IL12RB1: variants seen among roughly 807,000 people sequenced by gnomAD.
IL12RB1 encodes the protein interleukin 12 receptor subunit beta 1, also known as interleukin-12 receptor subunit beta-1.
In IL12RB1, 64 loss-of-function variants were observed where a neutral mutation model predicts 94.4. The ratio of observed to expected loss-of-function variants is 0.68; its 90% CI spans 0.55 to 0.83. IL12RB1 has a LOEUF of 0.83. Among genes scored for constraint, IL12RB1 ranks in the 40% least tolerant of loss-of-function variants. The pLI, the probability that IL12RB1 is intolerant of heterozygous loss-of-function variation, is 0.00. For missense variants in IL12RB1, 814 were observed against 855.6 expected, an observed-to-expected ratio of 0.95 and a Z score of 0.61; for synonymous variants, 362 against 355.5, an observed-to-expected ratio of 1.02 and a Z score of -0.21.
chr19:18,077,629 T>C lies in IL12RB1; in HGVS notation c.436A>G (p.Ile146Val), dbSNP rs756396836. 3 of 1,594,496 alleles carry C rather than the reference T, an allele frequency of 1.9e-6. No individual in the cohort carries two copies. The highest frequency in any genetic ancestry group is 2.2e-5 in the East Asian group (1 of 44,776). Reference protein sequence around the residue: ...SVKYEPPLGDIKVSKLAGQLR... With the variant: ...SVKYEPPLGDVKVSKLAGQLR... ...TGCCCGGCCAACTTGGACACCTTGATGTCTCCCAGAGGAGGCTCATATTTA... is the reference window on the plus strand; with the variant it reads ...TGCCCGGCCAACTTGGACACCTTGACGTCTCCCAGAGGAGGCTCATATTTA... Residue 146 changes from isoleucine (I) to valine (V), a missense_variant, in exon 5 of 17, where the codon ATC (isoleucine) becomes GTC (valine). Ile to Val is a conservative substitution (Grantham distance 29). Coordinates refer to ENST00000593993, the MANE Select transcript of IL12RB1 (RefSeq NM_005535.3).
intron 4 of IL12RB1, among the ~76,000 whole-genome samples, chr19:18,080,580 A>G (rs2035826123): frequency 6.6e-6 from 1 of 152,180 alleles, no homozygotes; most frequent in African/African-American, 2.4e-5. Context: ...TAAGAACCCA[A>G]CCAGGTCTTG....
chr19:18,096,175 G>T (rs1457044992), intron 1 of IL12RB1, among the ~76,000 whole-genome samples: 1 of 152,100 alleles, frequency 6.6e-6, no homozygotes, highest in Non-Finnish European at 1.5e-5. Context: ...CCGGGAGGTA[G>T]AGGCTGCAAT....
intron 13 of IL12RB1, 136 bp downstream of exon 13, chr19:18,063,740 G>C (rs901608947): frequency 3.2e-5 from 24 of 750,820 alleles, no homozygotes; most frequent in Non-Finnish European, 4.8e-5. Flanking sequence ...GGAGCAGTTT[G>C]AGCTGCTACT....
chr19:18,082,104 A>T (rs2035954441), intron 3 of IL12RB1, 46 bp downstream of exon 3: 1 of 1,202,272 alleles, frequency 8.3e-7, no homozygotes, highest in African/African-American at 1.5e-5. Context: ...TTGAAGCAAG[A>T]GTGGGATGGT....
At position 18,062,193 on chromosome 19, in the gene IL12RB1, A is replaced by C; in HGVS notation, c.1703T>G (p.Leu568Arg). The C allele has an allele frequency of 1.2e-6, 2 of 1,610,550 alleles. No individual in the cohort carries two copies. The highest frequency in any genetic ancestry group is 1.7e-6 in the Non-Finnish European group (2 of 1,176,910). ...SILLVGVLGYLGLNRAARHLC... is the reference protein window; with the variant it reads ...SILLVGVLGYRGLNRAARHLC... ...AGGTGTCAGTTACCTGTTCAGGCCA[A>C]GGTAGCCAAGGACGCCCACGAGAAG... The change falls in exon 14 of 17, where the codon CTT becomes CGT. Residue 568 changes from leucine to arginine, a missense_variant. Transcript: ENST00000593993.
chr19:18,098,530 G>A (rs2037222441), intron 1 of IL12RB1, among the ~76,000 whole-genome samples: 1 of 152,098 alleles, frequency 6.6e-6, no homozygotes, highest in Admixed American at 6.6e-5. Context: ...GTGTCATCAG[G>A]AGGTAGGGAC....
At chr19:18,070,570 G>C in intron 9 of IL12RB1, 1 of 982,702 alleles carries the variant, frequency 1.0e-6, no homozygotes, top group Non-Finnish European at 1.2e-6. Flanking sequence ...TCTGGGGATA[G>C]CAACAGCCGT....
upstream of IL12RB1, chr19:18,086,954 A>G: frequency 6.5e-7 from 1 of 1,543,454 alleles, no homozygotes; most frequent in East Asian, 2.4e-5. Context: ...GAAAAAAGAA[A>G]AAAAGTAAAG....
At chr19:18,079,310 G>T (rs2035710384) in intron 4 of IL12RB1, among the ~76,000 whole-genome samples, 1 of 151,842 alleles carries the variant, frequency 6.6e-6, no homozygotes, top group Admixed American at 6.6e-5. Flanking sequence ...CACCATGTTG[G>T]TCAGGCTGGT....
At chr19:18,095,227 T>C (rs1599605279) in intron 1 of IL12RB1, among the ~76,000 whole-genome samples, 1 of 152,144 alleles carries the variant, frequency 6.6e-6, no homozygotes, top group African/African-American at 2.4e-5. Flanking sequence ...TGTATGCCAA[T>C]GTTTATAGCA....
At chr19:18,065,744 G>T (rs1167246351) in intron 12 of IL12RB1, among the ~76,000 whole-genome samples, 1 of 151,960 alleles carries the variant, frequency 6.6e-6, no homozygotes, top group Non-Finnish European at 1.5e-5. Context: ...GCCTGAACCC[G>T]GGAGGCAGAG....
Position 18,083,510 on chromosome 19 carries a change from CATA to C in IL12RB1, c.65-22_65-20del. ...CAGGCAGCTGCAAAGGCAATGAAGA[CATA>C]ATGACATTCCTGGCCTTGCACTGTG... On this transcript the variant is annotated intron_variant, in intron 1 of 16. Transcript: ENST00000593993. 6.2e-7 allele frequency: 1 copy of C among 1,613,092 alleles called. No homozygotes were observed. The highest frequency in any genetic ancestry group is 8.5e-7 in the Non-Finnish European group (1 of 1,179,400).
chr19:18,075,073 CAACA>C (rs201783878), intron 7 of IL12RB1, among the ~76,000 whole-genome samples: 1,617 of 150,598 alleles, frequency 0.011, 39 homozygotes, highest in African/African-American at 0.037. Context: ...CAACAAAAAA[CAACA>C]AACAAACAAA....
intron 3 of IL12RB1, among the ~76,000 whole-genome samples, chr19:18,081,688 C>T (rs928752337): frequency 2.6e-5 from 4 of 151,766 alleles, no homozygotes; most frequent in Admixed American, 1.3e-4. Context: ...GGTGTGGTGG[C>T]GTGTGCCTAT....
At chr19:18,070,829 C>T (rs908912958) in intron 9 of IL12RB1, 1 of 152,390 alleles carries the variant, frequency 6.6e-6, no homozygotes, top group Non-Finnish European at 1.5e-5. Flanking sequence ...TCTGTAGTCC[C>T]AGCTACTCCA....
At chr19:18,078,281 C>G (rs1248951683) in intron 4 of IL12RB1, among the ~76,000 whole-genome samples, 39 of 152,010 alleles carry the variant, frequency 2.6e-4, no homozygotes, top group Non-Finnish European at 1.5e-5. Flanking sequence ...GTGGTGGGCA[C>G]CTGTAATCCC....
At chr19:18,067,940 C>A (rs573841626) in intron 11 of IL12RB1, among the ~76,000 whole-genome samples, 17 of 150,670 alleles carry the variant, frequency 1.1e-4, no homozygotes, top group African/African-American at 4.1e-4. Flanking sequence ...AAGTGATCCA[C>A]AAGCCTCAGC....
chr19:18,086,253 TAAATAAATAAA>T (rs2036332773), intron 1 of IL12RB1, among the ~76,000 whole-genome samples: 1 of 150,820 alleles, frequency 6.6e-6, no homozygotes, highest in Non-Finnish European at 1.5e-5. Flanking sequence ...AATAAATAAA[TAAATAAATAAA>T]TAAATAAGTA....
In IL12RB1 at chr19:18,061,205, G is replaced by GGAAAGGGGACCTGGGGAT. The variant is rs759702719; in HGVS notation, c.1716-9_1716-8insATCCCCAGGTCCCCTTTC. ...CACAGGTGCCGTGCGGCCCTGGGGA[G>GGAAAGGGGACCTGGGGAT]GAAAGGGGACCAGTGAGAGGAGCTG... On this transcript the variant is annotated splice_polypyrimidine_tract_variant and intron_variant, in intron 14 of 16. Coordinates refer to ENST00000593993, the MANE Select transcript of IL12RB1 (RefSeq NM_005535.3). The GGAAAGGGGACCTGGGGAT allele has an allele frequency of 1.4e-4, 213 of 1,513,384 alleles. No homozygotes were observed. Among genetic ancestry groups the GGAAAGGGGACCTGGGGAT allele is most frequent in the Non-Finnish European group, 1.8e-4 (204 of 1,107,954 alleles). The allele number at this position is 1,513,384 out of a possible 1,614,324, so 93.7% of individuals were successfully genotyped here.
Sources: gnomAD v4.1 joint callset for allele counts (sites outside exome capture counted in the v4.1 genomes callset) on GRCh38, gnomAD v4.1.1 for gene constraint, MANE v1.5 for transcripts, NCBI Gene and HGNC (gene_info 2026-07-23, HGNC 2026-07-21) for gene names.